CDH13: variants seen among roughly 807,000 people sequenced by gnomAD.
CDH13 encodes cadherin 13.
A neutral mutation model predicts 63.8 loss-of-function variants in CDH13; 24 were observed. That is an observed-to-expected ratio of 0.38 (90% confidence interval 0.27 to 0.53). The LOEUF (loss-of-function observed/expected upper bound fraction) is 0.53. Among genes scored for constraint, CDH13 ranks in the 20% least tolerant of loss-of-function variants. The pLI, the probability that CDH13 is intolerant of heterozygous loss-of-function variation, is 0.85. For missense variants in CDH13, 1,049 were observed against 903.1 expected, an observed-to-expected ratio of 1.16 and a Z score of -2.07; for synonymous variants, 503 against 355.3, an observed-to-expected ratio of 1.42 and a Z score of -4.67.
chr16:83,413,638 G>A (rs1236115869), intron 6 of CDH13, among the ~76,000 whole-genome samples: 2 of 152,142 alleles, frequency 1.3e-5, no homozygotes, highest in Non-Finnish European at 2.9e-5. Context: ...ATAATAGGCT[G>A]TGCCAACCCC....
intron 1 of CDH13, among the ~76,000 whole-genome samples, chr16:82,773,852 C>G (rs2035371187): frequency 6.6e-6 from 1 of 151,410 alleles, no homozygotes; most frequent in Non-Finnish European, 1.5e-5. Flanking sequence ...TGCGCGATCT[C>G]AGCTCACTGC....
intron 1 of CDH13, among the ~76,000 whole-genome samples, chr16:82,836,799 C>G (rs796576807): frequency 3.4e-5 from 5 of 148,630 alleles, no homozygotes; most frequent in African/African-American, 7.6e-5. Flanking sequence ...TCATTTCTAC[C>G]CATAGTCATT....
rs566927027 is a variant in CDH13, at chr16:82,685,963, T to C, written c.45+58826T>C. Among the ~76,000 whole-genome samples the C allele has an allele frequency of 4.6e-5, 7 of 152,190 alleles. No individual in the cohort carries two copies. In the South Asian group the frequency reaches 1.5e-3, roughly 32 times the overall value. On this transcript the variant is annotated intron_variant, in intron 1 of 13. Transcript: ENST00000567109. ...CCTCTAGTGGTTAAATCATGATGAA[T>C]AGGCACAGAGAGCTGATAATTAAGG...
intron 4 of CDH13, among the ~76,000 whole-genome samples, chr16:83,144,603 A>G (rs2036667400): frequency 6.6e-6 from 1 of 152,236 alleles, no homozygotes; most frequent in Non-Finnish European, 1.5e-5. Flanking sequence ...TGGAGGTGTG[A>G]TGATTATACT....
Position 82,969,699 on chromosome 16 carries a change from C to T in CDH13, c.158-62311C>T, listed in dbSNP as rs138751941. The stretch of plus-strand genomic sequence containing the variant: ...GCAGTCATGACAATCAAAATGTCTC[C>T]GGACATCGTAAAATTACCCCTGGTT... On this transcript the variant is annotated intron_variant, in intron 2 of 13. Transcript: ENST00000567109. Among the ~76,000 whole-genome samples, 1,156 of 152,008 alleles carry T rather than the reference C, an allele frequency of 7.6e-3. 17 individuals carry two copies. The highest frequency in any genetic ancestry group is 0.026 in the African/African-American group (1,087 of 41,458).
At position 82,775,797 on chromosome 16, in the gene CDH13, G is replaced by T. The variant is rs115145325; in HGVS notation, c.46-82565G>T. On this transcript the variant is annotated intron_variant, in intron 1 of 13. Coordinates refer to ENST00000567109, the MANE Select transcript of CDH13 (RefSeq NM_001257.5). ...TACACCCTTGCAAAAATATTAATTTGCCTGGGTGCAAGGTGAGGGACATAT... is the reference window on the plus strand; with the variant it reads ...TACACCCTTGCAAAAATATTAATTTTCCTGGGTGCAAGGTGAGGGACATAT... Among the ~76,000 whole-genome samples the T allele has an allele frequency of 3.9e-5, 6 of 152,294 alleles. 1 individual carries two copies. Among genetic ancestry groups the T allele is most frequent in the Admixed American group, 3.3e-4 (5 of 15,288 alleles).
intron 1 of CDH13, among the ~76,000 whole-genome samples, chr16:82,702,547 C>G (rs1048869512): frequency 2.0e-5 from 3 of 152,150 alleles, no homozygotes; most frequent in African/African-American, 7.2e-5. Context: ...TTTTCTGATT[C>G]CCATCAGATG....
chr16:83,063,501 A>C (rs72796231), intron 3 of CDH13, among the ~76,000 whole-genome samples: 1 of 152,190 alleles, frequency 6.6e-6, no homozygotes, highest in African/African-American at 2.4e-5. Flanking sequence ...GGACATTGTT[A>C]TGATAAACCC....
At chr16:83,308,909 G>A (rs116797352) in intron 5 of CDH13, among the ~76,000 whole-genome samples, 2,646 of 152,264 alleles carry the variant, frequency 0.017, 78 homozygotes, top group African/African-American at 0.057. Context: ...TAGGGGATTC[G>A]GGAAGCCTCC....
intron 6 of CDH13, among the ~76,000 whole-genome samples, chr16:83,435,105 G>A (rs2072254764): frequency 6.6e-6 from 1 of 151,404 alleles, no homozygotes; most frequent in Non-Finnish European, 1.5e-5. Flanking sequence ...GAAGTGCAAC[G>A]GCACAATCTC....
At chr16:83,619,627 G>A (rs556647076) in intron 8 of CDH13, among the ~76,000 whole-genome samples, 14 of 144,112 alleles carry the variant, frequency 9.7e-5, no homozygotes, top group African/African-American at 2.3e-4. Context: ...GCATGAGCAC[G>A]AGCATCCCCC....
intron 4 of CDH13, among the ~76,000 whole-genome samples, chr16:83,152,709 G>A (rs950666233): frequency 2.6e-5 from 4 of 152,182 alleles, no homozygotes; most frequent in Non-Finnish European, 5.9e-5. Flanking sequence ...GTTGTTACGG[G>A]CTGAATTGCA....
Position 83,121,210 on chromosome 16 carries a change from T to C in CDH13, c.367-4175T>C, listed in dbSNP as rs992536315. 5.9e-5 allele frequency among the ~76,000 whole-genome samples: 9 copies of C among 152,228 alleles called. No individual in the cohort carries two copies. The South Asian group carries it at 8.3e-4, about 14-fold the overall frequency. ...TGAGTCCTTTTCACTTCCTAGAGAC[T>C]AAAGTGTCTCTTACTTAGTCTCTTT... is the stretch of plus-strand genomic sequence containing the variant. On this transcript the variant is annotated intron_variant, in intron 3 of 13. Coordinates refer to ENST00000567109, the MANE Select transcript of CDH13 (RefSeq NM_001257.5).
chr16:83,331,432 A>G (rs949953654), intron 5 of CDH13, among the ~76,000 whole-genome samples: 2 of 152,196 alleles, frequency 1.3e-5, no homozygotes, highest in Non-Finnish European at 2.9e-5. Flanking sequence ...TTTCTTTCTC[A>G]TTAATCATCA....
intron 1 of CDH13, among the ~76,000 whole-genome samples, chr16:82,663,777 TGG>T (rs1463626526): frequency 6.6e-6 from 1 of 152,138 alleles, no homozygotes; most frequent in Non-Finnish European, 1.5e-5. Context: ...AGAACCAAGG[TGG>T]GGTTGGGGGT....
intron 7 of CDH13, among the ~76,000 whole-genome samples, chr16:83,590,085 C>T (rs1162354007): frequency 6.6e-6 from 1 of 152,164 alleles, no homozygotes; most frequent in Non-Finnish European, 1.5e-5. Context: ...GGAGAACAAA[C>T]AGATGAGGCC....
At chr16:83,577,372 A>G (rs1180786086) in intron 7 of CDH13, among the ~76,000 whole-genome samples, 1 of 152,210 alleles carries the variant, frequency 6.6e-6, no homozygotes, top group Non-Finnish European at 1.5e-5. Flanking sequence ...CTCACTGCCA[A>G]TTAACATTTA....
intron 6 of CDH13, among the ~76,000 whole-genome samples, chr16:83,363,415 G>C (rs2091201276): frequency 6.6e-6 from 1 of 152,212 alleles, no homozygotes; most frequent in Non-Finnish European, 1.5e-5. Context: ...TAGGGAGGAA[G>C]GAATTTGGAA....
intron 1 of CDH13, among the ~76,000 whole-genome samples, chr16:82,629,607 C>T (rs1006955825): frequency 6.6e-6 from 1 of 152,194 alleles, no homozygotes; most frequent in Non-Finnish European, 1.5e-5. Flanking sequence ...TCAGGCAAGC[C>T]TGTATGTTTT....
Sources: allele counts gnomAD v4.1 joint callset (sites outside exome capture counted in the v4.1 genomes callset), GRCh38; gene constraint gnomAD v4.1.1; transcripts MANE v1.5; gene names NCBI Gene and HGNC (gene_info 2026-07-23, HGNC 2026-07-21).